Variants in ITGA11 observed in about 807,000 individuals in gnomAD.
ITGA11 encodes the protein integrin subunit alpha 11, also known as integrin alpha-11.
Under a neutral mutation model 141.9 loss-of-function variants are expected in ITGA11, and 97 were observed. The ratio of observed to expected loss-of-function variants is 0.68; its 90% CI spans 0.58 to 0.81. ITGA11 has a LOEUF of 0.81. Ranked by LOEUF, ITGA11 falls within the 30% of genes least tolerant of loss-of-function variation. The pLI is 0.00. For missense variants in ITGA11, 1,387 were observed against 1,559.2 expected (o/e 0.89, Z 1.86); for synonymous variants, 658 against 624.6 (o/e 1.05, Z -0.80).
intron 7 of ITGA11, among the ~76,000 whole-genome samples, chr15:68,355,206 C>A (rs922861245): frequency 5.3e-5 from 8 of 152,144 alleles, no homozygotes; most frequent in African/African-American, 1.9e-4. Flanking sequence ...CTGGGAGTCT[C>A]GGGTCTCACC....
intron 20 of ITGA11, among the ~76,000 whole-genome samples, chr15:68,318,177 G>C (rs921187059): frequency 1.3e-5 from 2 of 152,112 alleles, no homozygotes; most frequent in African/African-American, 4.8e-5. Context: ...CTGTGAAGGA[G>C]GTAGGCTCCA....
chr15:68,401,702 G>T (rs1421018340), intron 2 of ITGA11, among the ~76,000 whole-genome samples: 1 of 152,132 alleles, frequency 6.6e-6, no homozygotes, highest in African/African-American at 2.4e-5. Flanking sequence ...ACTGGCTGGG[G>T]CGGGGGTGAG....
chr15:68,366,969 G>A (rs1277656163), intron 3 of ITGA11, among the ~76,000 whole-genome samples: 35 of 152,294 alleles, frequency 2.3e-4, no homozygotes, highest in Non-Finnish European at 1.5e-5. Context: ...TGCCTGGAAC[G>A]GCCGTAGGAA....
chr15:68,328,329 G>C lies in ITGA11; in HGVS notation c.1902-67C>G. On this transcript the variant is annotated intron_variant, in intron 15 of 29. Transcript: ENST00000315757. The surrounding 1 kb of genome is among the most constrained non-coding windows in gnomAD (Gnocchi z 4.8). ...CAGGCTGCCCTGCTGTGACCATGGGGAAAGACAAGAACCAGATGCGAGTGG... is the reference window on the plus strand; with the variant it reads ...CAGGCTGCCCTGCTGTGACCATGGGCAAAGACAAGAACCAGATGCGAGTGG... 1 of 1,443,318 alleles carries C rather than the reference G, an allele frequency of 6.9e-7. No homozygotes were observed. The highest frequency in any genetic ancestry group is 9.5e-7 in the Non-Finnish European group (1 of 1,053,284). 89.4% of individuals were successfully genotyped at this position (1,443,318 alleles called of 1,614,324 possible).
intron 5 of ITGA11, among the ~76,000 whole-genome samples, chr15:68,358,902 C>T (rs1441537891): frequency 1.3e-5 from 2 of 152,184 alleles, no homozygotes; most frequent in East Asian, 3.8e-4. Flanking sequence ...CAAATCAGTA[C>T]CTTGGTATTG....
chr15:68,336,644 C>T (rs773089646), intron 11 of ITGA11, among the ~76,000 whole-genome samples: 1 of 152,150 alleles, frequency 6.6e-6, no homozygotes, highest in African/African-American at 2.4e-5. Context: ...TGTGGAAAGC[C>T]GATGGCATCC....
At chr15:68,337,887 T>A (rs530730019) in intron 11 of ITGA11, among the ~76,000 whole-genome samples, 1 of 152,220 alleles carries the variant, frequency 6.6e-6, no homozygotes, top group African/African-American at 2.4e-5. Flanking sequence ...ATTTCCCACA[T>A]GTTCCTCCTT....
Position 68,315,670 on chromosome 15 carries a change from T to G in ITGA11, c.2773A>C (p.Ile925Leu). The change falls in exon 22 of 30, where the codon ATC becomes CTC. Residue 925 changes from isoleucine to leucine, a missense_variant. Transcript: ENST00000315757. ...SKSIFLHHLEIELAAGSDSNE... is the reference protein window; with the variant it reads ...SKSIFLHHLELELAAGSDSNE... ...CCTGACCTGCCTGCAGCGAGCTCGA[T>G]CTCCAGGTGGTGTAGGAAGATGGAT... 1 of 1,613,406 alleles carries G rather than the reference T, an allele frequency of 6.2e-7. No homozygotes were observed. The highest frequency in any genetic ancestry group is 8.5e-7 in the Non-Finnish European group (1 of 1,179,622).
chr15:68,351,261 C>A lies in ITGA11; in HGVS notation c.891G>T (p.Val297=), dbSNP rs746440715. 4 of 1,613,782 alleles carry A rather than the reference C, an allele frequency of 2.5e-6. No individual in the cohort carries two copies. The highest frequency in any genetic ancestry group is 3.4e-6 in the Non-Finnish European group (4 of 1,179,846). ...CCTTGGGCGGGCCAGGACTTACGGC[C>A]ACCGCATATCTTGTTACGTTGTCTC... ...SERDNVTRYA[V]AVLGYYNRRG... Residue 297 remains valine (V), a synonymous_variant, in exon 8 of 30, where the codon GTG becomes GTT. Coordinates refer to ENST00000315757, the MANE Select transcript of ITGA11 (RefSeq NM_001004439.2).
rs1194304052 is a variant in ITGA11, at chr15:68,304,139, C to T, written c.3382-254G>A. On this transcript the variant is annotated intron_variant, in intron 28 of 29. Transcript: ENST00000315757. This position sits in a 1 kb window ranked among gnomAD's most constrained non-coding sequence, Gnocchi z 6.1. ...GACACTTGCTGCCTTTGGCCTCAGG[C>T]CCCCGCCACTCCCTGGATCCTCCTC... 6.6e-6 allele frequency among the ~76,000 whole-genome samples: 1 copy of T among 152,178 alleles called. No homozygotes were observed. The highest frequency in any genetic ancestry group is 1.5e-5 in the Non-Finnish European group (1 of 68,016).
At chr15:68,428,681 C>T (rs1897199513) in intron 1 of ITGA11, among the ~76,000 whole-genome samples, 1 of 152,172 alleles carries the variant, frequency 6.6e-6, no homozygotes, top group African/African-American at 2.4e-5. Flanking sequence ...AGTCTTGGAC[C>T]TCTGGAGCCT....
At chr15:68,394,970 G>A (rs932211695) in intron 2 of ITGA11, among the ~76,000 whole-genome samples, 6 of 152,134 alleles carry the variant, frequency 3.9e-5, no homozygotes, top group Non-Finnish European at 2.9e-5. Context: ...CAGCATGATC[G>A]ATGCAGAAGA....
chr15:68,343,939 C>T (rs1238018193), intron 10 of ITGA11, among the ~76,000 whole-genome samples: 6 of 152,110 alleles, frequency 3.9e-5, no homozygotes, highest in Non-Finnish European at 8.8e-5. Flanking sequence ...TCACCATGTG[C>T]GGTGCTGGAA....
intron 2 of ITGA11, among the ~76,000 whole-genome samples, chr15:68,374,107 C>T (rs1438482510): frequency 6.6e-6 from 1 of 151,594 alleles, no homozygotes; most frequent in African/African-American, 2.4e-5. Flanking sequence ...AGAAACATGG[C>T]AACCAAGACC....
chr15:68,325,266 G>A lies in ITGA11; in HGVS notation c.2212-25C>T, dbSNP rs375552076. The A allele has an allele frequency of 8.0e-5, 119 of 1,479,094 alleles. No homozygotes were observed. The highest frequency in any genetic ancestry group is 9.6e-5 in the Non-Finnish European group (101 of 1,057,064). The allele number at this position is 1,479,094 out of a possible 1,614,324, so 91.6% of individuals were successfully genotyped here. Reference sequence around the variant, plus strand: ...CCTGGGGGGTGGAGATGAGGGCAGCGGTGAGGGAGGAGAGAACGTCATTTT... The same window carrying A: ...CCTGGGGGGTGGAGATGAGGGCAGCAGTGAGGGAGGAGAGAACGTCATTTT... On this transcript the variant is annotated intron_variant, in intron 17 of 29. Transcript: ENST00000315757. This position sits in a 1 kb window ranked among gnomAD's most constrained non-coding sequence, Gnocchi z 5.5.
intron 1 of ITGA11, among the ~76,000 whole-genome samples, chr15:68,410,409 T>C (rs1896746059): frequency 6.6e-6 from 1 of 152,148 alleles, no homozygotes; most frequent in Admixed American, 6.5e-5. Flanking sequence ...CCAGTTTTAC[T>C]TGGGCCCCAA....
At chr15:68,379,931 T>G (rs1895817822) in intron 2 of ITGA11, among the ~76,000 whole-genome samples, 1 of 152,220 alleles carries the variant, frequency 6.6e-6, no homozygotes, top group East Asian at 1.9e-4. Context: ...GCCTAAGCAT[T>G]TCCTGCTCTC....
intron 6 of ITGA11, 29 bp downstream of exon 6, chr15:68,358,429 G>C: frequency 2.5e-6 from 4 of 1,585,184 alleles, no homozygotes; most frequent in Non-Finnish European, 3.4e-6. Flanking sequence ...GCCCTGTTCA[G>C]AAGTGGAAAG....
intron 7 of ITGA11, among the ~76,000 whole-genome samples, chr15:68,353,140 C>G (rs557683286): frequency 1.3e-5 from 2 of 152,320 alleles, no homozygotes; most frequent in Admixed American, 6.5e-5. Flanking sequence ...TCTCTTCTTA[C>G]GCAGCACGCT....
Sources: allele counts gnomAD v4.1 joint callset (sites outside exome capture counted in the v4.1 genomes callset), GRCh38; gene constraint gnomAD v4.1.1; non-coding constraint Gnocchi (gnomAD v3.1); transcripts MANE v1.5; gene names NCBI Gene and HGNC (gene_info 2026-07-23, HGNC 2026-07-21).